Variants in NHS observed in about 807,000 individuals in gnomAD.
The protein encoded by NHS is NHS actin remodeling regulator, also known as actin remodeling regulator NHS.
Under a neutral mutation model 72.5 loss-of-function variants are expected in NHS, and 5 were observed. The ratio of observed to expected loss-of-function variants is 0.07; its 90% confidence interval spans 0.04 to 0.14. The LOEUF (loss-of-function observed/expected upper bound fraction) is 0.14. Among genes scored for constraint, NHS ranks in the 10% least tolerant of loss-of-function variants. The pLI is 1.00. For synonymous variants in NHS, 464 were observed against 547.7 expected, an observed-to-expected ratio of 0.85 and a Z score of 2.13; for missense variants, 1,072 against 1,355.7, an observed-to-expected ratio of 0.79 and a Z score of 3.29.
At chrX:17,701,019 T>C (rs1280163077) in intron 3 of NHS, among the ~76,000 whole-genome samples, 1 of 112,358 alleles carries the variant, frequency 8.9e-6, no homozygotes, top group Non-Finnish European at 1.9e-5. Context: ...CTTTTCTATG[T>C]TTACCTGTGT....
At chrX:17,563,077 A>C (rs1266213009) in intron 1 of NHS, among the ~76,000 whole-genome samples, 1 of 112,185 alleles carries the variant, frequency 8.9e-6, no homozygotes, top group African/African-American at 3.2e-5. Context: ...TTTCCTTGTG[A>C]CCATGGCTTG....
chrX:17,563,682 C>T (rs2071837), intron 1 of NHS, among the ~76,000 whole-genome samples: 31,327 of 110,399 alleles, frequency 0.28, 3,579 homozygotes, highest in East Asian at 0.71. Context: ...CGATCAGTCA[C>T]GCAAGAAGAT....
chrX:17,722,213 A>G (rs188780192), intron 5 of NHS, among the ~76,000 whole-genome samples: 2 of 112,099 alleles, frequency 1.8e-5, no homozygotes, highest in East Asian at 5.6e-4. Flanking sequence ...TGAGAGTGTG[A>G]ATATTAGTCT....
At position 17,728,182 on chromosome X, in the gene NHS, A is replaced by G. The variant is rs375264823; in HGVS notation, c.4076A>G (p.Tyr1359Cys). The change falls in exon 7 of 9, where the codon TAT (tyrosine) becomes TGT (cysteine). Residue 1359 changes from tyrosine (Y) to cysteine (C), a missense_variant. Transcript: ENST00000676302. ...GACAAAGTGCCTGGTACTATCAGCT[A>G]TGAATCGGAGATAACATCTGTAAAT... ...HHDKVPGTIS[Y>C]ESEITSVNSF... is the part of the protein sequence containing the mutation. 15 of 1,210,096 alleles carry G rather than the reference A, an allele frequency of 1.2e-5. No homozygotes were observed. Among genetic ancestry groups the G allele is most frequent in the Non-Finnish European group, 1.7e-5 (15 of 895,187 alleles).
intron 1 of NHS, among the ~76,000 whole-genome samples, chrX:17,658,588 T>A: frequency 8.9e-6 from 1 of 112,311 alleles, no homozygotes. Context: ...TCTAGTCTTC[T>A]AGTGGAGACT....
intron 1 of NHS, among the ~76,000 whole-genome samples, chrX:17,425,568 A>AAAAG (rs1474964907): frequency 0.076 from 5,762 of 76,021 alleles, 533 homozygotes; most frequent in African/African-American, 0.21. Flanking sequence ...AAAAAAAAAA[A>AAAAG]AAAGAAAGAA....
chrX:17,493,191 A>G, intron 1 of NHS, among the ~76,000 whole-genome samples: 1 of 112,345 alleles, frequency 8.9e-6, no homozygotes, highest in Non-Finnish European at 1.9e-5. Flanking sequence ...TTTTGAAGTC[A>G]GTCTTAGACA....
chrX:17,471,700 C>CT (rs1449752763), intron 1 of NHS, among the ~76,000 whole-genome samples: 1 of 112,077 alleles, frequency 8.9e-6, no homozygotes, highest in Non-Finnish European at 1.9e-5. Context: ...TTTTGGGACT[C>CT]TTTTTTCCAG....
intron 1 of NHS, among the ~76,000 whole-genome samples, chrX:17,597,535 A>G (rs73189157): frequency 1.7e-3 from 181 of 109,585 alleles, no homozygotes; most frequent in Non-Finnish European, 1.9e-3. Flanking sequence ...AAAGAGCAAA[A>G]GAAGAGAGCA....
At chrX:17,641,762 T>TAA (rs760304131) in intron 1 of NHS, among the ~76,000 whole-genome samples, 2 of 96,411 alleles carry the variant, frequency 2.1e-5, no homozygotes, top group African/African-American at 3.7e-5. Flanking sequence ...TGTGTCTATT[T>TAA]AAAAAAAAAA....
At chrX:17,433,033 C>T (rs985629675) in intron 1 of NHS, among the ~76,000 whole-genome samples, 1 of 109,535 alleles carries the variant, frequency 9.1e-6, no homozygotes, top group Non-Finnish European at 1.9e-5. Context: ...TATTTTTGCT[C>T]CCCCTTTTTT....
intron 1 of NHS, among the ~76,000 whole-genome samples, chrX:17,392,338 T>C (rs1167884945): frequency 8.9e-6 from 1 of 112,000 alleles, no homozygotes; most frequent in Non-Finnish European, 1.9e-5. Context: ...TAAACTTTTA[T>C]TGTGAGATTT....
chrX:17,428,594 G>A (rs1020242830), intron 1 of NHS, among the ~76,000 whole-genome samples: 27 of 111,606 alleles, frequency 2.4e-4, no homozygotes, highest in African/African-American at 8.5e-4. Flanking sequence ...ATATGGAGAA[G>A]CAGAGCTGCC....
intron 1 of NHS, among the ~76,000 whole-genome samples, chrX:17,608,642 A>G (rs2065693866): frequency 9.0e-6 from 1 of 111,082 alleles, no homozygotes; most frequent in South Asian, 3.8e-4. Flanking sequence ...TTGTGTGGCT[A>G]TACTATGACT....
intron 1 of NHS, among the ~76,000 whole-genome samples, chrX:17,576,667 C>A (rs1239409440): frequency 1.8e-5 from 2 of 112,205 alleles, no homozygotes; most frequent in East Asian, 5.6e-4. Flanking sequence ...GCTCTAAGCA[C>A]CCAAGAGGAT....
In NHS at chrX:17,614,157, G is replaced by A. The variant is rs182470662; in HGVS notation, c.566-73585G>A. ...TGTTGTGAATACAGGGAGAGAGAGAGGATGAGTGATAGCTATAAGCAGTGG... is the reference window on the plus strand; with the variant it reads ...TGTTGTGAATACAGGGAGAGAGAGAAGATGAGTGATAGCTATAAGCAGTGG... On this transcript the variant is annotated intron_variant, in intron 1 of 8. Coordinates refer to ENST00000676302, the MANE Select transcript of NHS (RefSeq NM_001291867.2). Among the ~76,000 whole-genome samples the A allele has an allele frequency of 1.9e-3, 214 of 112,198 alleles. 1 individual carries two copies. Among genetic ancestry groups the A allele is most frequent in the African/African-American group, 6.4e-3 (197 of 30,850 alleles).
chrX:17,396,335 C>T (rs1445967915), intron 1 of NHS, among the ~76,000 whole-genome samples: 1 of 111,138 alleles, frequency 9.0e-6, no homozygotes, highest in Non-Finnish European at 1.9e-5. Flanking sequence ...ACCGTATTAT[C>T]CTATCCTTTC....
chrX:17,685,746 A>G (rs1403314018), intron 1 of NHS, among the ~76,000 whole-genome samples: 1 of 111,911 alleles, frequency 8.9e-6, no homozygotes, highest in Non-Finnish European at 1.9e-5. Context: ...AGGAGTGAGG[A>G]CTATAACCTT....
In NHS at chrX:17,728,670, C is replaced by G. The variant is rs1196203710; in HGVS notation, c.4244C>G (p.Ser1415Cys). The G allele has an allele frequency of 1.2e-5, 15 of 1,210,439 alleles. No homozygotes were observed. Among genetic ancestry groups the G allele is most frequent in the Non-Finnish European group, 1.6e-5 (14 of 894,688 alleles). Residue 1415 changes from serine to cysteine, a missense_variant, in exon 8 of 9, where the codon TCC (serine) becomes TGC (cysteine). Ser to Cys is a moderately radical substitution (Grantham distance 112). Transcript: ENST00000676302. ...SLKESSPSDDSIISPLSEDSQ... is the reference protein window; with the variant it reads ...SLKESSPSDDCIISPLSEDSQ... ...TAAGAATCATCACCGAGTGATGACTCCATCATTTCACCACTTAGTGAAGAC... is the reference window on the plus strand; with the variant it reads ...TAAGAATCATCACCGAGTGATGACTGCATCATTTCACCACTTAGTGAAGAC...
Sources: gnomAD v4.1 joint callset for allele counts (sites outside exome capture counted in the v4.1 genomes callset) on GRCh38, gnomAD v4.1.1 for gene constraint, MANE v1.5 for transcripts, NCBI Gene and HGNC (gene_info 2026-07-23, HGNC 2026-07-21) for gene names.